SORBS2: variants seen among roughly 807,000 people sequenced by gnomAD.
The protein encoded by SORBS2 is sorbin and SH3 domain containing 2, also known as sorbin and SH3 domain-containing protein 2.
In SORBS2, 46 loss-of-function variants were observed where a neutral mutation model predicts 97.7. The ratio of observed to expected loss-of-function variants is 0.47; its 90% CI spans 0.37 to 0.60. SORBS2 has a LOEUF of 0.60. SORBS2 is among the 20% of genes least tolerant of loss of function. The pLI, the probability that SORBS2 is intolerant of heterozygous loss-of-function variation, is 0.00. For synonymous variants in SORBS2, 476 were observed against 473.4 expected, an observed-to-expected ratio of 1.01 and a Z score of -0.07; for missense variants, 1,316 against 1,282.3, an observed-to-expected ratio of 1.03 and a Z score of -0.40.
At chr4:185,832,203 T>C (rs1388079068) in intron 1 of SORBS2, among the ~76,000 whole-genome samples, 1 of 152,204 alleles carries the variant, frequency 6.6e-6, no homozygotes, top group African/African-American at 2.4e-5. Context: ...GACATTCCCT[T>C]GTCTGGAATC....
intron 2 of SORBS2, among the ~76,000 whole-genome samples, chr4:185,751,557 G>A (rs371491079): frequency 6.6e-6 from 1 of 152,186 alleles, no homozygotes; most frequent in East Asian, 1.9e-4. Flanking sequence ...GGAGGTGCAG[G>A]AGAGGCAGCT....
chr4:185,614,415 T>C (rs779040082), intron 11 of SORBS2, among the ~76,000 whole-genome samples: 1 of 152,084 alleles, frequency 6.6e-6, no homozygotes, highest in Non-Finnish European at 1.5e-5. Flanking sequence ...CTTCTTTACC[T>C]AGGACCATTC....
At chr4:185,922,970 A>G (rs2099261618) in intron 1 of SORBS2, among the ~76,000 whole-genome samples, 1 of 152,210 alleles carries the variant, frequency 6.6e-6, no homozygotes, top group African/African-American at 2.4e-5. Flanking sequence ...AGTTAGATAC[A>G]AACCCTGAAC....
At chr4:185,767,231 G>T (rs1171710189) in intron 2 of SORBS2, among the ~76,000 whole-genome samples, 3 of 152,010 alleles carry the variant, frequency 2.0e-5, no homozygotes, top group African/African-American at 7.2e-5. Flanking sequence ...GGGCGCGGTG[G>T]CTCAGGCCTG....
chr4:185,929,530 GTTT>G (rs367695815), intron 1 of SORBS2, among the ~76,000 whole-genome samples: 2 of 135,124 alleles, frequency 1.5e-5, no homozygotes, highest in Non-Finnish European at 3.2e-5. Context: ...TTTTTGTTGG[GTTT>G]TTTTTTTTTT....
chr4:185,651,661 C>T (rs968180674), intron 2 of SORBS2, 123 bp downstream of exon 11: 25 of 704,100 alleles, frequency 3.6e-5, no homozygotes, highest in East Asian at 2.6e-5. Context: ...AAAAGAAATC[C>T]TCCTCCTAAT....
chr4:185,754,324 G>A (rs2098818267), intron 2 of SORBS2, among the ~76,000 whole-genome samples: 1 of 152,058 alleles, frequency 6.6e-6, no homozygotes, highest in Non-Finnish European at 1.5e-5. Context: ...GGAGGTGAGG[G>A]TTGAAAAACT....
intron 4 of SORBS2, among the ~76,000 whole-genome samples, chr4:185,673,699 T>C (rs2097754766): frequency 6.6e-6 from 1 of 152,152 alleles, no homozygotes; most frequent in South Asian, 2.1e-4. Flanking sequence ...GGTGAATAAC[T>C]AGATGAATGG....
exon 8 of SORBS2, chr4:185,620,080 C>T (rs1356180262): frequency 1.9e-6 from 3 of 1,607,218 alleles, no homozygotes; most frequent in Non-Finnish European, 2.6e-6. Context: ...TCTGGAGTTC[C>T]TCTTCTTTCC....
intron 1 of SORBS2, among the ~76,000 whole-genome samples, chr4:185,834,942 C>T (rs976036212): frequency 2.0e-5 from 3 of 152,134 alleles, no homozygotes; most frequent in Non-Finnish European, 4.4e-5. Flanking sequence ...TGTAATCCCC[C>T]GTGTTAGAGG....
intron 2 of SORBS2, among the ~76,000 whole-genome samples, chr4:185,746,450 G>A (rs897046103): frequency 6.6e-6 from 1 of 152,234 alleles, no homozygotes; most frequent in Non-Finnish European, 1.5e-5. Context: ...CCGAGTAGCT[G>A]GGACTAGAGG....
chr4:185,627,814 C>T (rs1338322949), intron 5 of SORBS2, among the ~76,000 whole-genome samples: 1 of 152,134 alleles, frequency 6.6e-6, no homozygotes, highest in South Asian at 2.1e-4. Context: ...CCATAAAAAG[C>T]TTCTGTCCTC....
chr4:185,899,041 A>T (rs1015137372), intron 1 of SORBS2, among the ~76,000 whole-genome samples: 1 of 152,072 alleles, frequency 6.6e-6, no homozygotes, highest in African/African-American at 2.4e-5. Flanking sequence ...TTCCATGATC[A>T]CAGTGTGCAG....
At chr4:185,835,786 A>T (rs1368602064) in intron 1 of SORBS2, among the ~76,000 whole-genome samples, 3 of 150,410 alleles carry the variant, frequency 2.0e-5, no homozygotes, top group Non-Finnish European at 4.4e-5. Flanking sequence ...AGTTTTGAAA[A>T]CCTCCCTTGA....
upstream of SORBS2, among the ~76,000 whole-genome samples, chr4:185,660,760 C>T (rs548559844): frequency 6.6e-6 from 1 of 152,172 alleles, no homozygotes; most frequent in African/African-American, 2.4e-5. Flanking sequence ...GTTTCTTTCC[C>T]CCTGTTGCTG....
At chr4:185,663,609 A>T (rs985186935) in intron 4 of SORBS2, among the ~76,000 whole-genome samples, 27 of 152,158 alleles carry the variant, frequency 1.8e-4, no homozygotes, top group Non-Finnish European at 2.9e-4. Context: ...CCTCTGATGG[A>T]TGATTTGAGA....
At chr4:185,696,517 C>T (rs12509966) in intron 2 of SORBS2, among the ~76,000 whole-genome samples, 20,619 of 152,034 alleles carry the variant, frequency 0.14, 3,039 homozygotes, top group African/African-American at 0.36. Flanking sequence ...TGCAATGATG[C>T]GATCTTGCCC....
chr4:185,942,382 A>G (rs115821106), intron 1 of SORBS2, among the ~76,000 whole-genome samples: 19,143 of 149,604 alleles, frequency 0.13, 1,483 homozygotes, highest in Middle Eastern at 0.25. Context: ...TTGGAACCTC[A>G]CTTTGTCACT....
chr4:185,833,014 C>G (rs2099205953), intron 1 of SORBS2, among the ~76,000 whole-genome samples: 2 of 152,178 alleles, frequency 1.3e-5, no homozygotes, highest in Non-Finnish European at 2.9e-5. Flanking sequence ...ATTCTAAGGT[C>G]TTTCCTATCT....
Sources: allele counts gnomAD v4.1 joint callset (sites outside exome capture counted in the v4.1 genomes callset), GRCh38; gene constraint gnomAD v4.1.1; transcripts MANE v1.5; gene names NCBI Gene and HGNC (gene_info 2026-07-23, HGNC 2026-07-21).